Variants in TBC1D31 observed in about 807,000 individuals in gnomAD.
The protein encoded by TBC1D31 is TBC1 domain family member 31, also known as WD repeat domain 67.
A neutral mutation model predicts 132.9 loss-of-function variants in TBC1D31; 99 were observed. That is an observed-to-expected ratio of 0.74 (90% CI 0.63 to 0.88). The LOEUF is 0.88. TBC1D31 is among the 40% of genes least tolerant of loss of function. The pLI is 0.00. For missense variants in TBC1D31, 1,134 were observed against 1,256.6 expected (o/e 0.90, Z 1.48); for synonymous variants, 385 against 419.4 (o/e 0.92, Z 1.00).
chr8:123,126,413 T>G, intron 12 of TBC1D31, 95 bp from the exon 13 acceptor site: 1 of 1,260,452 alleles, frequency 7.9e-7, no homozygotes, highest in African/African-American at 1.5e-5. Flanking sequence ...TTAATATGAT[T>G]TTCATAGCTT....
At chr8:123,089,586 TAG>T (rs1359674190) in intron 4 of TBC1D31, among the ~76,000 whole-genome samples, 15 of 152,166 alleles carry the variant, frequency 9.9e-5, no homozygotes, top group African/African-American at 3.6e-4. Context: ...TGTGTGCCTG[TAG>T]TCCCAGTTAC....
intron 4 of TBC1D31, among the ~76,000 whole-genome samples, chr8:123,084,980 G>A (rs1418561768): frequency 6.6e-6 from 1 of 151,978 alleles, no homozygotes; most frequent in East Asian, 1.9e-4. Context: ...AGTAGAGACA[G>A]GGTTTCATCA....
intron 20 of TBC1D31, among the ~76,000 whole-genome samples, chr8:123,147,805 G>A (rs149323005): frequency 9.3e-4 from 141 of 152,186 alleles, no homozygotes; most frequent in African/African-American, 3.3e-3. Flanking sequence ...AATCCTAAAA[G>A]CAGGAGATAA....
chr8:123,136,819 T>G (rs1001132137), intron 17 of TBC1D31, among the ~76,000 whole-genome samples: 2 of 152,274 alleles, frequency 1.3e-5, no homozygotes, highest in African/African-American at 4.8e-5. Flanking sequence ...TGCTGTCTTT[T>G]GAAGGAATTA....
At chr8:123,132,718 T>G (rs140946353) in intron 16 of TBC1D31, among the ~76,000 whole-genome samples, 2 of 152,172 alleles carry the variant, frequency 1.3e-5, no homozygotes, top group African/African-American at 4.8e-5. Flanking sequence ...TTTCAAAGTA[T>G]TTTTAATTCA....
chr8:123,084,788 TTTTTG>T (rs935226773), intron 4 of TBC1D31, among the ~76,000 whole-genome samples: 4 of 151,780 alleles, frequency 2.6e-5, no homozygotes, highest in African/African-American at 7.3e-5. Flanking sequence ...TTTTTTTTGG[TTTTTG>T]TTTTGTTTTG....
chr8:123,129,660 G>A (rs940895586), intron 15 of TBC1D31, among the ~76,000 whole-genome samples: 5 of 152,122 alleles, frequency 3.3e-5, no homozygotes, highest in African/African-American at 1.2e-4. Context: ...AGGGGAATGA[G>A]TATTAAATGC....
intron 5 of TBC1D31, 49 bp downstream of exon 5, chr8:123,093,791 G>A (rs1482800289): frequency 7.9e-7 from 1 of 1,269,644 alleles, no homozygotes; most frequent in Non-Finnish European, 1.0e-6. Context: ...TTTAATTTCT[G>A]GTAAAAAATT....
chr8:123,141,886 A>C (rs185925693), intron 18 of TBC1D31, among the ~76,000 whole-genome samples: 1 of 94,112 alleles, frequency 1.1e-5, no homozygotes, highest in Non-Finnish European at 1.9e-5. Context: ...GTAGAGATGG[A>C]GTCTTACTCT....
intron 20 of TBC1D31, among the ~76,000 whole-genome samples, chr8:123,148,110 GA>G (rs1185825613): frequency 6.8e-6 from 1 of 148,018 alleles, no homozygotes; most frequent in Non-Finnish European, 1.5e-5. Flanking sequence ...CTGGGCGACA[GA>G]GCGAGACTCC....
intron 6 of TBC1D31, among the ~76,000 whole-genome samples, chr8:123,099,751 G>A (rs1238393778): frequency 1.3e-5 from 2 of 152,172 alleles, no homozygotes; most frequent in African/African-American, 4.8e-5. Context: ...TTGTGCTGCT[G>A]TATTGGAATA....
At position 123,088,791 on chromosome 8, in the gene TBC1D31, C is replaced by T. The variant is rs6984500; in HGVS notation, c.519+4451C>T. Among the ~76,000 whole-genome samples the T allele has an allele frequency of 3.8e-3, 572 of 152,238 alleles. 2 individuals are homozygous for T. Among genetic ancestry groups the T allele is most frequent in the African/African-American group, 0.013 (553 of 41,556 alleles). On this transcript the variant is annotated intron_variant, in intron 4 of 21. Transcript: ENST00000287380. ...GATGGCTCTTTTAATCTCACACAGT[C>T]TTCTACTTTTTTTCTCATGACATTA...
At chr8:123,095,066 A>G (rs62521773) in intron 5 of TBC1D31, among the ~76,000 whole-genome samples, 19,590 of 151,654 alleles carry the variant, frequency 0.13, 1,446 homozygotes, top group African/African-American at 0.17. Flanking sequence ...AGAGTTTTCT[A>G]TATTCTGGAT....
intron 20 of TBC1D31, among the ~76,000 whole-genome samples, chr8:123,147,210 G>A (rs1822304220): frequency 6.8e-6 from 1 of 147,722 alleles, no homozygotes; most frequent in Non-Finnish European, 1.5e-5. Context: ...GTCTCGCTTT[G>A]TCGCCAGGCT....
intron 4 of TBC1D31, among the ~76,000 whole-genome samples, chr8:123,091,572 G>A (rs1317938020): frequency 1.3e-5 from 2 of 152,126 alleles, no homozygotes; most frequent in Non-Finnish European, 2.9e-5. Context: ...GCTTGATCAG[G>A]CCCTTGCCTG....
At chr8:123,116,260 A>G (rs1235298856) in intron 10 of TBC1D31, among the ~76,000 whole-genome samples, 1 of 152,186 alleles carries the variant, frequency 6.6e-6, no homozygotes, top group African/African-American at 2.4e-5. Flanking sequence ...AGCATACCTC[A>G]TATCTTACAC....
chr8:123,147,776 G>C (rs1241197612), intron 20 of TBC1D31, among the ~76,000 whole-genome samples: 1 of 152,088 alleles, frequency 6.6e-6, no homozygotes, highest in Non-Finnish European at 1.5e-5. Flanking sequence ...AGGGTATATA[G>C]ATTTAATCAG....
intron 7 of TBC1D31, chr8:123,102,241 A>T (rs1269263490): frequency 2.2e-6 from 1 of 456,712 alleles, no homozygotes; most frequent in East Asian, 6.9e-5. Context: ...CTTTCATTTT[A>T]CACAGGAAGA....
At chr8:123,126,763 A>T (rs947728700) in intron 13 of TBC1D31, 76 bp downstream of exon 13, 1 of 1,379,900 alleles carries the variant, frequency 7.2e-7, no homozygotes, top group Non-Finnish European at 9.8e-7. Flanking sequence ...ATTTTTTGAG[A>T]CAGAGTCTCG....
Sources: gnomAD v4.1 joint callset for allele counts (sites outside exome capture counted in the v4.1 genomes callset) on GRCh38, gnomAD v4.1.1 for gene constraint, MANE v1.5 for transcripts, NCBI Gene and HGNC (gene_info 2026-07-23, HGNC 2026-07-21) for gene names.